Variants in RSPRY1 observed in about 807,000 individuals in gnomAD.
RSPRY1 encodes the protein RING finger and SPRY domain-containing protein 1.
RSPRY1 carries 23 observed loss-of-function variants against 73.1 expected under a neutral mutation model. The ratio of observed to expected loss-of-function variants is 0.31; its 90% confidence interval spans 0.23 to 0.45. The LOEUF (loss-of-function observed/expected upper bound fraction) is 0.45, where lower values mean the gene tolerates loss of function less well. RSPRY1 is among the 20% of genes least tolerant of loss of function. The pLI is 1.00. For missense variants in RSPRY1, 448 were observed against 698.7 expected, an observed-to-expected ratio of 0.64 and a Z score of 4.05; for synonymous variants, 226 against 251.4, an observed-to-expected ratio of 0.90 and a Z score of 0.95.
At chr16:57,211,284 A>G (rs1047611169) in intron 4 of RSPRY1, among the ~76,000 whole-genome samples, 2 of 150,918 alleles carry the variant, frequency 1.3e-5, no homozygotes, top group Admixed American at 6.6e-5. Flanking sequence ...AAAAAAAAAA[A>G]GAAAGCCAGG....
rs1215454745 is a variant in RSPRY1, at chr16:57,239,880, T to C, written c.*905T>C. 1 of 152,206 alleles carries C rather than the reference T, an allele frequency of 6.6e-6. No individual in the cohort carries two copies. The highest frequency in any genetic ancestry group is 1.5e-5 in the Non-Finnish European group (1 of 68,024). 9.4% of individuals were successfully genotyped at this position (152,206 alleles called of 1,614,324 possible). Reference sequence around the variant, plus strand: ...ATATACTTTGAAACTCTTGAACTAATAGTCTCAAAAACTCTAGAGGACAGT... The same window carrying C: ...ATATACTTTGAAACTCTTGAACTAACAGTCTCAAAAACTCTAGAGGACAGT... On this transcript the variant is annotated 3_prime_UTR_variant, in exon 15 of 15. Transcript: ENST00000394420.
In RSPRY1 at chr16:57,204,837, A is replaced by G; in HGVS notation, c.179A>G (p.Gln60Arg). 1 of 1,614,212 alleles carries G rather than the reference A, an allele frequency of 6.2e-7. No homozygotes were observed. Among genetic ancestry groups the G allele is most frequent in the Non-Finnish European group, 8.5e-7 (1 of 1,180,042 alleles). Residue 60 changes from glutamine (Q) to arginine (R), a missense_variant, in exon 2 of 15, where the codon CAG becomes CGG. Gln to Arg is a conservative substitution (Grantham distance 43, BLOSUM62 1). Coordinates refer to ENST00000394420, the MANE Select transcript of RSPRY1 (RefSeq NM_133368.3). The stretch of plus-strand genomic sequence containing the variant: ...ACAGATGACAGTGTTGACACCCAAC[A>G]GCAACAGGCCGAGAACAGTGCAGTA... ...SGTDDSVDTQ[Q>R]QQAENSAVPT...
In RSPRY1 at chr16:57,220,908, T is replaced by G; in HGVS notation, c.1017+61T>G. ...ATGAGAGGGTAATTATTTTAATCCT[T>G]GCATAGCCAGTTGTCTTAGGGCTGG... On this transcript the variant is annotated intron_variant, in intron 9 of 14. Coordinates refer to ENST00000394420, the MANE Select transcript of RSPRY1 (RefSeq NM_133368.3). 3 of 1,201,620 alleles carry G rather than the reference T, an allele frequency of 2.5e-6. No individual in the cohort carries two copies. In the Admixed American group the frequency reaches 5.3e-5, roughly 21 times the overall value. The allele number at this position is 1,201,620 out of a possible 1,614,324, so 74.4% of individuals were successfully genotyped here. A position where few individuals can be genotyped will look rare whatever the true frequency, so the allele number is the denominator to read the frequency against.
At chr16:57,213,974 C>T in intron 6 of RSPRY1, 28 bp downstream of exon 6, 1 of 1,499,526 alleles carries the variant, frequency 6.7e-7, no homozygotes. Flanking sequence ...ACTATTTATT[C>T]TTAGTCATCT....
At chr16:57,230,555 G>A (rs141936673) in intron 11 of RSPRY1, among the ~76,000 whole-genome samples, 156 bp from the exon 12 acceptor site, 1 of 152,082 alleles carries the variant, frequency 6.6e-6, no homozygotes, top group Non-Finnish European at 1.5e-5. Flanking sequence ...GGTGTATAGG[G>A]GTCAGATCAG....
rs1219699016 is a variant in RSPRY1, at chr16:57,239,824, AT to A, written c.*856del. ...GATTTCTGTTTTTTTGTTAAAAAAA[AT>A]TTTTTTAATCAGTATTGTTTTTACA... On this transcript the variant is annotated 3_prime_UTR_variant, in exon 15 of 15. Transcript: ENST00000394420. 2.0e-5 allele frequency: 3 copies of A among 152,092 alleles called. No individual in the cohort carries two copies. The highest frequency in any genetic ancestry group is 6.5e-5 in the Admixed American group (1 of 15,276). 9.4% of individuals were successfully genotyped at this position (152,092 alleles called of 1,614,324 possible).
intron 1 of RSPRY1, among the ~76,000 whole-genome samples, chr16:57,201,875 G>C (rs1352364168): frequency 6.6e-6 from 1 of 152,232 alleles, no homozygotes; most frequent in African/African-American, 2.4e-5. Flanking sequence ...AGGAGAATCA[G>C]GCAGGGAGTT....
At chr16:57,202,053 A>T (rs112586906) in intron 1 of RSPRY1, among the ~76,000 whole-genome samples, 5,235 of 152,260 alleles carry the variant, frequency 0.034, 139 homozygotes, top group Non-Finnish European at 0.047. Flanking sequence ...CGAGCAGGAT[A>T]GCTCACACCC....
chr16:57,229,535 C>CT (rs2075174521), intron 11 of RSPRY1, among the ~76,000 whole-genome samples: 1 of 151,904 alleles, frequency 6.6e-6, no homozygotes, highest in Non-Finnish European at 1.5e-5. Flanking sequence ...AGGAGGATCA[C>CT]TTGAGCCCAG....
chr16:57,205,086 G>A (rs1472573855), intron 2 of RSPRY1, 78 bp downstream of exon 2: 15 of 1,076,776 alleles, frequency 1.4e-5, no homozygotes, highest in Non-Finnish European at 1.8e-5. Context: ...GACTCCTTCA[G>A]TTCCTTTAGG....
chr16:57,218,720 CTTTTTTT>C (rs869295634), intron 8 of RSPRY1, among the ~76,000 whole-genome samples: 1 of 41,130 alleles, frequency 2.4e-5, no homozygotes, highest in African/African-American at 1.1e-4. Context: ...GCCACATTTT[CTTTTTTT>C]TTTTTTTTTT....
At position 57,198,694 on chromosome 16, in the gene RSPRY1, C is replaced by T. The variant is rs139372745; in HGVS notation, c.-155-5810C>T. On this transcript the variant is annotated intron_variant, in intron 1 of 14. Transcript: ENST00000394420. ...TTTGTTTTCTGGAACTTGACATTCT[C>T]AAATCATTGCCAGTTATTTTTAGTA... 4.6e-5 allele frequency among the ~76,000 whole-genome samples: 7 copies of T among 152,286 alleles called. No homozygotes were observed. In the East Asian group the frequency reaches 1.2e-3, roughly 25 times the overall value.
intron 13 of RSPRY1, among the ~76,000 whole-genome samples, chr16:57,233,308 C>T (rs1261794975): frequency 6.6e-6 from 1 of 152,160 alleles, no homozygotes; most frequent in East Asian, 1.9e-4. Flanking sequence ...TACCCACTCT[C>T]AGCTACAAGT....
intron 11 of RSPRY1, among the ~76,000 whole-genome samples, chr16:57,228,785 C>T (rs1323428325): frequency 6.6e-6 from 1 of 152,154 alleles, no homozygotes; most frequent in African/African-American, 2.4e-5. Flanking sequence ...CTTGACCTCC[C>T]AGGCACAATC....
intron 10 of RSPRY1, among the ~76,000 whole-genome samples, chr16:57,221,709 C>T (rs1245857032): frequency 1.3e-5 from 2 of 152,186 alleles, no homozygotes; most frequent in Non-Finnish European, 2.9e-5. Flanking sequence ...CCACCCCAGC[C>T]ACGTACTTGG....
upstream of RSPRY1, chr16:57,186,202 G>T: frequency 1.0e-6 from 1 of 983,266 alleles, no homozygotes; most frequent in Non-Finnish European, 1.2e-6. Flanking sequence ...AGGGCGGGCC[G>T]GTCCCGCTGA....
At chr16:57,204,464 GAA>G (rs1352990720) in intron 1 of RSPRY1, 38 bp from the exon 2 acceptor site, 2 of 560,266 alleles carry the variant, frequency 3.6e-6, no homozygotes, top group Non-Finnish European at 6.3e-6. Context: ...AAGTGGTCAA[GAA>G]TCTTTTATTC....
intron 11 of RSPRY1, among the ~76,000 whole-genome samples, chr16:57,230,155 T>G (rs2075192488): frequency 6.6e-6 from 1 of 151,434 alleles, no homozygotes; most frequent in African/African-American, 2.4e-5. Context: ...GGATTACAGG[T>G]GCCCACCACC....
chr16:57,213,628 A>G (rs1183988622), intron 5 of RSPRY1, among the ~76,000 whole-genome samples: 2 of 152,270 alleles, frequency 1.3e-5, no homozygotes, highest in African/African-American at 4.8e-5. Context: ...GGAAGAAACA[A>G]TGGATTAGAA....
Sources: allele counts gnomAD v4.1 joint callset (sites outside exome capture counted in the v4.1 genomes callset), GRCh38; gene constraint gnomAD v4.1.1; transcripts MANE v1.5; gene names NCBI Gene and HGNC (gene_info 2026-07-23, HGNC 2026-07-21).